RHBDF2: variants seen among roughly 807,000 people sequenced by gnomAD.
RHBDF2 encodes the protein inactive rhomboid protein 2.
In RHBDF2, 38 loss-of-function variants were observed where a neutral mutation model predicts 95.2. The observed-to-expected ratio is 0.40, with a 90% CI of 0.31 to 0.52. The LOEUF (loss-of-function observed/expected upper bound fraction) is 0.52. RHBDF2 is among the 20% of genes least tolerant of loss of function. The pLI is 0.56. For missense variants in RHBDF2, 863 were observed against 1,137.7 expected (o/e 0.76, Z 3.47); for synonymous variants, 442 against 462.0 (o/e 0.96, Z 0.55).
chr17:76,479,019 A>G lies in RHBDF2; in HGVS notation c.469-10T>C, dbSNP rs750242508. 1 of 1,605,994 alleles carries G rather than the reference A, an allele frequency of 6.2e-7. No individual in the cohort carries two copies. The highest frequency in any genetic ancestry group is 1.1e-5 in the South Asian group (1 of 90,414). On this transcript the variant is annotated splice_polypyrimidine_tract_variant and intron_variant, in intron 5 of 18. Coordinates refer to ENST00000675367, the MANE Select transcript of RHBDF2 (RefSeq NM_001005498.4). ...CCAGCGGATCCACAATCTGGAAGGG[A>G]GGGGGGCGGTAAGCAGAGCCATTAG...
At chr17:76,490,312 G>A (rs939779007) in intron 1 of RHBDF2, among the ~76,000 whole-genome samples, 1 of 152,158 alleles carries the variant, frequency 6.6e-6, no homozygotes, top group Non-Finnish European at 1.5e-5. Flanking sequence ...GCCCGGCTGA[G>A]TATGACGAGG....
At chr17:76,495,596 T>C (rs1428499680) in intron 1 of RHBDF2, among the ~76,000 whole-genome samples, 1 of 152,162 alleles carries the variant, frequency 6.6e-6, no homozygotes, top group Non-Finnish European at 1.5e-5. Context: ...GTCTCACCTA[T>C]TGTACAGAGA....
At position 76,499,150 on chromosome 17, in the gene RHBDF2, A is replaced by G. The variant is rs137931337; in HGVS notation, c.-220+2203T>C. Among the ~76,000 whole-genome samples, 241 of 152,292 alleles carry G rather than the reference A, an allele frequency of 1.6e-3. 2 individuals carry two copies. Among genetic ancestry groups the G allele is most frequent in the Middle Eastern group, 0.01 (3 of 294 alleles). On this transcript the variant is annotated intron_variant, in intron 1 of 18. Coordinates refer to ENST00000675367, the MANE Select transcript of RHBDF2 (RefSeq NM_001005498.4). The stretch of plus-strand genomic sequence containing the variant: ...CAGTCAAGAGACCAAAAAAACAAAA[A>G]CAAAAACAAAACAAAACAAAAAAAA...
intron 8 of RHBDF2, 56 bp downstream of exon 8, chr17:76,477,124 G>T: frequency 6.2e-7 from 1 of 1,610,698 alleles, no homozygotes. Flanking sequence ...GTGAGGTCTG[G>T]GGATGCCCCC....
chr17:76,495,112 C>T lies in RHBDF2; in HGVS notation c.-220+6241G>A, dbSNP rs142333643. On this transcript the variant is annotated intron_variant, in intron 1 of 18. Transcript: ENST00000675367. Reference sequence around the variant, plus strand: ...GGTGGGAACTGCCCTTTGCTGCAAACGTTCATGAAAGTCTGCCTCTCTGCA... The same window carrying T: ...GGTGGGAACTGCCCTTTGCTGCAAATGTTCATGAAAGTCTGCCTCTCTGCA... 4.2e-4 allele frequency among the ~76,000 whole-genome samples: 64 copies of T among 152,346 alleles called. No homozygotes were observed. The East Asian group carries it at 8.5e-3, about 20-fold the overall frequency.
chr17:76,491,784 C>T lies in RHBDF2; in HGVS notation c.-219-3875G>A, dbSNP rs148218421. ...GCCCAGCCCCTTCCTTGGGGCTCAG[C>T]GGGGAAAGGAGTGGGGACTGTCAGA... On this transcript the variant is annotated intron_variant, in intron 1 of 18. Coordinates refer to ENST00000675367, the MANE Select transcript of RHBDF2 (RefSeq NM_001005498.4). Among the ~76,000 whole-genome samples, 10 of 152,260 alleles carry T rather than the reference C, an allele frequency of 6.6e-5. No homozygotes were observed. The East Asian group carries it at 9.6e-4, about 15-fold the overall frequency.
intron 9 of RHBDF2, chr17:76,475,898 TTTTTC>T (rs1335487498): frequency 6.7e-6 from 1 of 149,394 alleles, no homozygotes; most frequent in Non-Finnish European, 1.5e-5. Context: ...TGTTATTTTC[TTTTTC>T]TTTTCTTTCT....
chr17:76,496,381 G>A (rs1364074580), intron 1 of RHBDF2, among the ~76,000 whole-genome samples: 1 of 152,202 alleles, frequency 6.6e-6, no homozygotes, highest in Admixed American at 6.5e-5. Context: ...TTAGGGAGGT[G>A]GTGGGGCTAC....
At chr17:76,478,601 C>T (rs570675287) in intron 6 of RHBDF2, among the ~76,000 whole-genome samples, 65 of 152,294 alleles carry the variant, frequency 4.3e-4, no homozygotes, top group African/African-American at 1.3e-3. Context: ...GGGGGTCACA[C>T]GAGATTTAAG....
chr17:76,479,732 C>T lies in RHBDF2; in HGVS notation c.272+1G>A. The T allele has an allele frequency of 6.2e-7, 1 of 1,606,320 alleles. No individual in the cohort carries two copies. The highest frequency in any genetic ancestry group is 8.5e-7 in the Non-Finnish European group (1 of 1,178,992). ...CTGGGCTTGGGTGTAGGGGGGCTCACTTGCGGATGCTCTGGGACAGTGAGG... is the reference window on the plus strand; with the variant it reads ...CTGGGCTTGGGTGTAGGGGGGCTCATTTGCGGATGCTCTGGGACAGTGAGG... On this transcript the variant is annotated splice_donor_variant, in intron 4 of 18. Transcript: ENST00000675367. LOFTEE classifies it high-confidence loss of function.
rs140426459 is a variant in RHBDF2, at chr17:76,475,113, C to T, written c.1144G>A (p.Val382Ile). The T allele has an allele frequency of 1.2e-4, 188 of 1,598,402 alleles. No homozygotes were observed. Among genetic ancestry groups the T allele is most frequent in the Non-Finnish European group, 1.6e-4 (183 of 1,173,562 alleles). ...ACCAGCAGCGTGATGATGACATGGA[C>T]GAAGGTCAGCCAGTAGGTGAAGTAG... ...RPYFTYWLTF[V>I]HVIITLLVIC... Residue 382 changes from valine (V) to isoleucine (I), a missense_variant, in exon 10 of 19, where the codon GTC (valine) becomes ATC (isoleucine). Around this residue, in one of 2 missense-constraint regions of RHBDF2, gnomAD observed 611 missense variants for 725.5 expected, o/e 0.84. Transcript: ENST00000675367.
chr17:76,481,148 T>C (rs1373015550), intron 3 of RHBDF2, among the ~76,000 whole-genome samples: 2 of 152,166 alleles, frequency 1.3e-5, no homozygotes, highest in African/African-American at 4.8e-5. Flanking sequence ...GGCTGGCCCT[T>C]CCTGTGTGCC....
intron 1 of RHBDF2, among the ~76,000 whole-genome samples, chr17:76,491,555 A>G (rs1049050941): frequency 2.0e-5 from 3 of 152,258 alleles, no homozygotes; most frequent in Non-Finnish European, 4.4e-5. Context: ...GCAGAGCACA[A>G]GAGGCCTGGG....
At chr17:76,484,412 G>A (rs1481887685) in intron 2 of RHBDF2, among the ~76,000 whole-genome samples, 2 of 152,058 alleles carry the variant, frequency 1.3e-5, no homozygotes, top group Admixed American at 6.6e-5. Flanking sequence ...AGCCAAGGGC[G>A]TGTGTGGGCT....
chr17:76,495,090 G>T (rs952436266), intron 1 of RHBDF2, among the ~76,000 whole-genome samples: 1 of 152,234 alleles, frequency 6.6e-6, no homozygotes, highest in Non-Finnish European at 1.5e-5. Flanking sequence ...CAGGCTCGGT[G>T]GGAACTGCCC....
chr17:76,479,255 C>G lies in RHBDF2; in HGVS notation c.295G>C (p.Val99Leu). Residue 99 changes from valine (V) to leucine (L), a missense_variant, in exon 5 of 19, where the codon GTC (valine) becomes CTC (leucine). Physicochemically the swap from Val to Leu is conservative, Grantham distance 32 (BLOSUM62 1). This residue lies in a region of RHBDF2 where 611 missense variants were observed against 725.5 expected (regional missense o/e 0.84). Transcript: ENST00000675367. ...IRKGAAQWFG[V>L]SGDWEGQRQQ... ...CGCTGCCCCTCCCAGTCGCCGCTGA[C>G]TCCAAACCACTGGGCTGCGCCCCTG... The G allele has an allele frequency of 6.2e-7, 1 of 1,604,426 alleles. No individual in the cohort carries two copies. Among genetic ancestry groups the G allele is most frequent in the Non-Finnish European group, 8.5e-7 (1 of 1,178,748 alleles).
chr17:76,486,182 C>T (rs537407434), intron 2 of RHBDF2, among the ~76,000 whole-genome samples: 35 of 152,264 alleles, frequency 2.3e-4, no homozygotes, highest in Admixed American at 1.5e-3. Flanking sequence ...GATTTTGGCT[C>T]ACTGCCAACC....
chr17:76,474,940 A>G lies in RHBDF2; in HGVS notation c.1227+90T>C, dbSNP rs1409960339. ...GTGAGCACCACCCTGCTGGGGCCAG[A>G]TTGTTGCGGTGGGAGGGATTAGGTA... On this transcript the variant is annotated intron_variant, in intron 10 of 18. Transcript: ENST00000675367. 2.0e-6 allele frequency: 3 copies of G among 1,472,774 alleles called. No individual in the cohort carries two copies. The Admixed American group carries it at 5.8e-5, about 29-fold the overall frequency. The allele number at this position is 1,472,774 out of a possible 1,614,324, so 91.2% of individuals were successfully genotyped here. A position where few individuals can be genotyped will look rare whatever the true frequency, so the allele number is the denominator to read the frequency against.
intron 1 of RHBDF2, among the ~76,000 whole-genome samples, chr17:76,490,562 G>C (rs1448585594): frequency 3.9e-5 from 6 of 152,140 alleles, no homozygotes; most frequent in African/African-American, 1.4e-4. Flanking sequence ...ACTGGCACTG[G>C]GGGATGGGAG....
Sources: gnomAD v4.1 joint callset for allele counts (sites outside exome capture counted in the v4.1 genomes callset) on GRCh38, gnomAD v4.1.1 for gene constraint, gnomAD v4.1.1 regional missense constraint, MANE v1.5 for transcripts, NCBI Gene and HGNC (gene_info 2026-07-23, HGNC 2026-07-21) for gene names.